The following RNGTT variants were observed in gnomAD, a reference collection of about 807,000 sequenced individuals.
The protein encoded by RNGTT is mRNA-capping enzyme.
A neutral mutation model predicts 79.3 loss-of-function variants in RNGTT; 33 were observed. That is an observed-to-expected ratio of 0.42 (90% confidence interval 0.32 to 0.56). The LOEUF is 0.56. Among genes scored for constraint, RNGTT ranks in the 20% least tolerant of loss-of-function variants. The pLI is 0.17. For synonymous variants in RNGTT, 222 were observed against 235.9 expected (o/e 0.94, Z 0.54); for missense variants, 497 against 739.1 (o/e 0.67, Z 3.80).
intron 13 of RNGTT, among the ~76,000 whole-genome samples, chr6:88,698,211 A>AAT (rs1461348506): frequency 9.5e-6 from 1 of 105,650 alleles, no homozygotes. Flanking sequence ...ATATATATGA[A>AAT]ATATATATAT....
intron 12 of RNGTT, among the ~76,000 whole-genome samples, chr6:88,788,638 C>G (rs1260867683): frequency 6.6e-6 from 1 of 152,196 alleles, no homozygotes; most frequent in Non-Finnish European, 1.5e-5. Flanking sequence ...GCAATGGAAA[C>G]AGAATGCTGA....
rs372615235 is a variant in RNGTT at position 88,644,520 on chromosome 6, C to G, written c.1507-30125G>C. ...CATTTTATGAGGCCAGCATCATCCT[C>G]ATACCAAAGCCTGGCAGAGACACAA... On this transcript the variant is annotated intron_variant, in intron 14 of 15. Transcript: ENST00000369485. Among the ~76,000 whole-genome samples, 304 of 142,466 alleles carry G rather than the reference C, an allele frequency of 2.1e-3. 4 individuals are homozygous for G. The highest frequency in any genetic ancestry group is 7.3e-3 in the African/African-American group (287 of 39,300). 93.5% of individuals were successfully genotyped at this position (142,466 alleles called of 152,430 possible). A position where few individuals can be genotyped will look rare whatever the true frequency, so the allele number is the denominator to read the frequency against.
intron 11 of RNGTT, among the ~76,000 whole-genome samples, chr6:88,811,883 T>C (rs1486176997): frequency 6.6e-6 from 1 of 152,150 alleles, no homozygotes; most frequent in African/African-American, 2.4e-5. Flanking sequence ...TTATGTGCTT[T>C]CATAACTCCC....
intron 4 of RNGTT, among the ~76,000 whole-genome samples, chr6:88,908,442 C>A (rs1783726704): frequency 6.6e-6 from 1 of 152,154 alleles, no homozygotes; most frequent in Non-Finnish European, 1.5e-5. Flanking sequence ...CAACTTTGAA[C>A]AGATCTTTTG....
intron 13 of RNGTT, among the ~76,000 whole-genome samples, chr6:88,679,277 G>GA (rs1455745109): frequency 1.3e-5 from 2 of 152,172 alleles, no homozygotes; most frequent in African/African-American, 4.8e-5. Flanking sequence ...GCTATGAAGG[G>GA]ATCTGGAAAA....
intron 13 of RNGTT, among the ~76,000 whole-genome samples, chr6:88,729,388 G>GAAA (rs59571346): frequency 1.8e-4 from 14 of 79,724 alleles, no homozygotes; most frequent in African/African-American, 4.9e-4. Context: ...ACCAGAAAAA[G>GAAA]AAAAAAAAAA....
intron 14 of RNGTT, among the ~76,000 whole-genome samples, chr6:88,640,570 A>AG (rs1322942187): frequency 6.6e-6 from 1 of 151,548 alleles, no homozygotes; most frequent in African/African-American, 2.4e-5. Flanking sequence ...AGAAAAGAAA[A>AG]AAAAAAAAGA....
intron 13 of RNGTT, among the ~76,000 whole-genome samples, chr6:88,692,045 A>T (rs1582336995): frequency 6.6e-6 from 1 of 152,224 alleles, no homozygotes; most frequent in Non-Finnish European, 1.5e-5. Context: ...AAAGAAACAT[A>T]ACTACATTAA....
rs575727751 is a variant in RNGTT at position 88,719,732 on chromosome 6, G to A, written c.1440-41313C>T. Among the ~76,000 whole-genome samples the A allele has an allele frequency of 2.9e-3, 447 of 152,282 alleles. 1 individual carries two copies. Among genetic ancestry groups the A allele is most frequent in the Non-Finnish European group, 5.2e-3 (356 of 68,006 alleles). On this transcript the variant is annotated intron_variant, in intron 13 of 15. Coordinates refer to ENST00000369485, the MANE Select transcript of RNGTT (RefSeq NM_003800.5). The stretch of plus-strand genomic sequence containing the variant: ...GGTTTTCAATTTGCATTTAAAAGAT[G>A]TGTATTTAACAAAATGTTTTATTTC...
At chr6:88,949,040 C>T (rs866877193) in intron 1 of RNGTT, among the ~76,000 whole-genome samples, 11 of 119,084 alleles carry the variant, frequency 9.2e-5, no homozygotes, top group Middle Eastern at 7.8e-3. Context: ...ATCTGCTGAC[C>T]TTCCCTCCAC....
chr6:88,721,669 C>G (rs1056085983), intron 13 of RNGTT, among the ~76,000 whole-genome samples: 1 of 152,216 alleles, frequency 6.6e-6, no homozygotes, highest in Admixed American at 6.5e-5. Context: ...CTGTTTATAT[C>G]TCATTATAAC....
chr6:88,788,998 T>A lies in RNGTT; in HGVS notation c.1338+12566A>T, dbSNP rs115650069. Among the ~76,000 whole-genome samples, 836 of 152,338 alleles carry A rather than the reference T, an allele frequency of 5.5e-3. 8 individuals are homozygous for A. Among genetic ancestry groups the A allele is most frequent in the African/African-American group, 0.017 (725 of 41,576 alleles). On this transcript the variant is annotated intron_variant, in intron 12 of 15. Transcript: ENST00000369485. Reference sequence around the variant, plus strand: ...TGGTTATGTCTCTGAAAGTAGAATATTAAATCAAAAGCTAAACAATAAAAC... The same window carrying A: ...TGGTTATGTCTCTGAAAGTAGAATAATAAATCAAAAGCTAAACAATAAAAC...
intron 8 of RNGTT, among the ~76,000 whole-genome samples, chr6:88,857,782 C>T (rs1156582635): frequency 6.6e-6 from 1 of 151,954 alleles, no homozygotes; most frequent in African/African-American, 2.4e-5. Flanking sequence ...AAGCCTATAC[C>T]AAAATAGTAA....
chr6:88,836,816 G>A (rs1781096538), intron 11 of RNGTT, among the ~76,000 whole-genome samples: 1 of 151,898 alleles, frequency 6.6e-6, no homozygotes, highest in Admixed American at 6.6e-5. Flanking sequence ...AAGTTCATGG[G>A]AGGAGAAAAA....
chr6:88,726,795 G>T (rs2127817132), intron 13 of RNGTT, among the ~76,000 whole-genome samples: 1 of 152,296 alleles, frequency 6.6e-6, no homozygotes, highest in African/African-American at 2.4e-5. Flanking sequence ...AGTTAATATG[G>T]ACTGAATGAG....
chr6:88,745,789 G>A (rs574886380), intron 13 of RNGTT, among the ~76,000 whole-genome samples: 1 of 151,458 alleles, frequency 6.6e-6, no homozygotes, highest in Admixed American at 6.6e-5. Flanking sequence ...AGAAAAAAAG[G>A]CTAGATTCTT....
chr6:88,624,771 G>T (rs1772566588), intron 14 of RNGTT, among the ~76,000 whole-genome samples: 1 of 151,698 alleles, frequency 6.6e-6, no homozygotes, highest in South Asian at 2.1e-4. Context: ...ATATTGTTAA[G>T]AGAATGAAAA....
At chr6:88,857,682 G>GA (rs1301106319) in intron 8 of RNGTT, among the ~76,000 whole-genome samples, 1 of 151,936 alleles carries the variant, frequency 6.6e-6, no homozygotes, top group Admixed American at 6.6e-5. Context: ...TATTTAGTGG[G>GA]AAAAAAGCAA....
chr6:88,831,621 T>C (rs2127889212), intron 11 of RNGTT, among the ~76,000 whole-genome samples: 2 of 152,324 alleles, frequency 1.3e-5, no homozygotes, highest in South Asian at 4.1e-4. Context: ...ATAAAGTGTA[T>C]TCAAATAAGA....
Sources: gnomAD v4.1 joint callset for allele counts (sites outside exome capture counted in the v4.1 genomes callset) on GRCh38, gnomAD v4.1.1 for gene constraint, MANE v1.5 for transcripts, NCBI Gene and HGNC (gene_info 2026-07-23, HGNC 2026-07-21) for gene names.